PTH2R: variants seen among roughly 807,000 people sequenced by gnomAD.
The protein encoded by PTH2R is parathyroid hormone 2 receptor, also known as PTH2 receptor.
PTH2R carries 59 observed loss-of-function variants against 60.3 expected under a neutral mutation model. That is an observed-to-expected ratio of 0.98 (90% CI 0.79 to 1.22). The LOEUF (loss-of-function observed/expected upper bound fraction) is 1.22. Ranked by LOEUF, PTH2R falls within the 50% of genes most tolerant of loss-of-function variation. The pLI, the probability that PTH2R is intolerant of heterozygous loss-of-function variation, is 0.00. For synonymous variants in PTH2R, 256 were observed against 243.8 expected (o/e 1.05, Z -0.47); for missense variants, 749 against 682.6 (o/e 1.10, Z -1.08).
chr2:208,438,530 T>C (rs1702122855), intron 4 of PTH2R, among the ~76,000 whole-genome samples: 1 of 152,192 alleles, frequency 6.6e-6, no homozygotes, highest in Admixed American at 6.5e-5. Context: ...GTTTCCAATA[T>C]AGAAATCATA....
chr2:208,464,221 C>T (rs1702690694), intron 9 of PTH2R, among the ~76,000 whole-genome samples: 1 of 152,142 alleles, frequency 6.6e-6, no homozygotes, highest in Non-Finnish European at 1.5e-5. Context: ...CAATAAAACA[C>T]GAGGTGAGAA....
At chr2:208,453,785 T>C (rs1702455937) in intron 8 of PTH2R, among the ~76,000 whole-genome samples, 1 of 152,146 alleles carries the variant, frequency 6.6e-6, no homozygotes, top group Non-Finnish European at 1.5e-5. Flanking sequence ...TTCTTGGCCA[T>C]GACTAATGCT....
chr2:208,486,213 T>C (rs756855540), intron 10 of PTH2R, among the ~76,000 whole-genome samples: 4 of 152,206 alleles, frequency 2.6e-5, no homozygotes, highest in African/African-American at 4.8e-5. Context: ...TTTAAACCAC[T>C]AAATTCATAC....
intron 1 of PTH2R, among the ~76,000 whole-genome samples, chr2:208,387,958 T>C (rs1275327995): frequency 6.6e-6 from 1 of 152,074 alleles, no homozygotes; most frequent in Non-Finnish European, 1.5e-5. Flanking sequence ...CATTCTTCCT[T>C]GAGGAGGTAG....
chr2:208,407,074 T>G lies in PTH2R; in HGVS notation c.31T>G (p.Trp11Gly), dbSNP rs746830254. The stretch of plus-strand genomic sequence containing the variant: ...CGGGCTGGGGGCGTCGCTCCACGTC[T>G]GGGGTTGGCTAATGCTCGGCAGCTG... MAGLGASLHV[W>G]GWLMLGSCLL... The change falls in exon 1 of 13, where the codon TGG becomes GGG. Residue 11 changes from tryptophan to glycine, a missense_variant. By Grantham distance (184) the Trp-to-Gly change is radical. Coordinates refer to ENST00000272847, the MANE Select transcript of PTH2R (RefSeq NM_005048.4). 1.4e-6 allele frequency: 2 copies of G among 1,394,872 alleles called. No homozygotes were observed. The highest frequency in any genetic ancestry group is 1.9e-6 in the Non-Finnish European group (2 of 1,067,390). 86.4% of individuals were successfully genotyped at this position (1,394,872 alleles called of 1,614,324 possible).
chr2:208,479,040 A>T (rs1348345791), intron 9 of PTH2R, among the ~76,000 whole-genome samples: 1 of 152,180 alleles, frequency 6.6e-6, no homozygotes, highest in Admixed American at 6.5e-5. Flanking sequence ...GCATGTATCA[A>T]TATGTGTGTA....
chr2:208,436,028 A>G (rs1195049244), intron 2 of PTH2R, among the ~76,000 whole-genome samples: 1 of 152,184 alleles, frequency 6.6e-6, no homozygotes, highest in Non-Finnish European at 1.5e-5. Context: ...TTGACACTGA[A>G]TATTTGTTAA....
rs867970391 is a variant in PTH2R, at chr2:208,406,965, G to A, written c.-79G>A. 3.7e-5 allele frequency: 47 copies of A among 1,257,700 alleles called. 1 individual carries two copies. The Middle Eastern group carries it at 8.3e-4, about 22-fold the overall frequency. 77.9% of individuals were successfully genotyped at this position (1,257,700 alleles called of 1,614,324 possible). On this transcript the variant is annotated 5_prime_UTR_variant, in exon 1 of 13. Coordinates refer to ENST00000272847, the MANE Select transcript of PTH2R (RefSeq NM_005048.4). ...GTTACTGGCCACAAGTTTGCTCTGG[G>A]CCAGCCAAGTTGGCAACTTGGAAGC... is the stretch of plus-strand genomic sequence containing the variant.
chr2:208,460,981 C>T (rs1373650592), intron 9 of PTH2R, among the ~76,000 whole-genome samples: 3 of 151,906 alleles, frequency 2.0e-5, no homozygotes, highest in Non-Finnish European at 4.4e-5. Context: ...GTAACCTCAT[C>T]CAAAGAATCA....
At chr2:208,411,377 A>G (rs950978357) in intron 1 of PTH2R, among the ~76,000 whole-genome samples, 5 of 152,242 alleles carry the variant, frequency 3.3e-5, no homozygotes, top group Non-Finnish European at 7.3e-5. Context: ...CTTGACAACG[A>G]GGACTATTTC....
intron 1 of PTH2R, among the ~76,000 whole-genome samples, chr2:208,369,494 T>C (rs1220424371): frequency 6.6e-6 from 1 of 151,490 alleles, no homozygotes; most frequent in Admixed American, 6.6e-5. Flanking sequence ...GTCTCCCGAG[T>C]AGCTGGGAGT....
intron 1 of PTH2R, among the ~76,000 whole-genome samples, chr2:208,418,203 CAAAA>C (rs1311674135): frequency 6.6e-6 from 1 of 151,406 alleles, no homozygotes; most frequent in Non-Finnish European, 1.5e-5. Flanking sequence ...ACCTATATGA[CAAAA>C]AAGAAAGCTT....
At chr2:208,395,059 T>A (rs140008930) in intron 1 of PTH2R, among the ~76,000 whole-genome samples, 1,866 of 152,020 alleles carry the variant, frequency 0.012, 17 homozygotes, top group Non-Finnish European at 0.019. Flanking sequence ...TTTTTATTTT[T>A]TTTTTTGAGA....
In PTH2R at chr2:208,483,826, A is replaced by G. The variant is rs139616094; in HGVS notation, c.1076+2662A>G. The stretch of plus-strand genomic sequence containing the variant: ...TAAGTCACAGATAAAAATGTAGTGA[A>G]GAGTGATTCTTTTTTCAGAGAAAAA... On this transcript the variant is annotated intron_variant, in intron 10 of 12. Transcript: ENST00000272847. 7.6e-3 allele frequency among the ~76,000 whole-genome samples: 1,157 copies of G among 152,318 alleles called. 4 individuals are homozygous for G. The highest frequency in any genetic ancestry group is 0.012 in the Non-Finnish European group (842 of 68,024).
intron 2 of PTH2R, among the ~76,000 whole-genome samples, chr2:208,430,570 G>A (rs371427263): frequency 5.1e-5 from 7 of 138,480 alleles, no homozygotes; most frequent in Admixed American, 1.5e-4. Context: ...TTTTTGAGAC[G>A]GAGTCTCGCT....
At chr2:208,360,212 GA>G in exon 1 of PTH2R, 1 of 454,526 alleles carries the variant, frequency 2.2e-6, no homozygotes, top group South Asian at 1.6e-5. Flanking sequence ...ATTTCTTCAA[GA>G]AAAAGGCACA....
chr2:208,422,583 G>A (rs2105848318), intron 1 of PTH2R, among the ~76,000 whole-genome samples: 1 of 151,984 alleles, frequency 6.6e-6, no homozygotes, highest in Non-Finnish European at 1.5e-5. Flanking sequence ...CCTTTTTTAT[G>A]ATCACCTGTG....
intron 7 of PTH2R, among the ~76,000 whole-genome samples, chr2:208,449,860 C>T (rs1217997986): frequency 5.3e-5 from 8 of 152,056 alleles, no homozygotes; most frequent in Non-Finnish European, 1.2e-4. Context: ...TTGTTTTCCC[C>T]TTTTGTAAGG....
intron 9 of PTH2R, among the ~76,000 whole-genome samples, chr2:208,477,980 C>CTACTACTAGTACTAGTAGTACTAGT (rs1559231947): frequency 8.9e-4 from 57 of 64,292 alleles, no homozygotes; most frequent in African/African-American, 1.8e-3. Flanking sequence ...GTACTACTAG[C>CTACTACTAGTACTAGTAGTACTAGT]ACTACTACTA....
Sources: allele counts gnomAD v4.1 joint callset (sites outside exome capture counted in the v4.1 genomes callset), GRCh38; gene constraint gnomAD v4.1.1; transcripts MANE v1.5; gene names NCBI Gene and HGNC (gene_info 2026-07-23, HGNC 2026-07-21).